TRPC7: variants seen among roughly 807,000 people sequenced by gnomAD.
TRPC7 encodes transient receptor potential cation channel subfamily C member 7.
Under a neutral mutation model 90.1 loss-of-function variants are expected in TRPC7, and 42 were observed. That is an observed-to-expected ratio of 0.47 (90% CI 0.36 to 0.60). The LOEUF is 0.60. Ranked by LOEUF, TRPC7 falls within the 20% of genes least tolerant of loss-of-function variation. The pLI, the probability that TRPC7 is intolerant of heterozygous loss-of-function variation, is 0.00. For synonymous variants in TRPC7, 451 were observed against 436.3 expected (o/e 1.03, Z -0.42); for missense variants, 955 against 1,112.3 (o/e 0.86, Z 2.01).
At position 136,234,411 on chromosome 5, in the gene TRPC7, G is replaced by GT. The variant is rs904377459; in HGVS notation, c.1845-2863dup. ...GGCAACCTCCGCGTCCTGGGTTTAA[G>GT]TGATTCTCCTGCCTCAGCCTTCAGA... On this transcript the variant is annotated intron_variant, in intron 7 of 11. Transcript: ENST00000513104. 1.2e-4 allele frequency among the ~76,000 whole-genome samples: 18 copies of GT among 152,162 alleles called. 1 individual carries two copies. The highest frequency in any genetic ancestry group is 1.0e-3 in the Admixed American group (16 of 15,286).
At chr5:136,277,050 A>G (rs1435328223) in intron 3 of TRPC7, among the ~76,000 whole-genome samples, 2 of 152,236 alleles carry the variant, frequency 1.3e-5, no homozygotes, top group Admixed American at 6.5e-5. Context: ...CTGCCTGGGA[A>G]GGATGCCTGT....
chr5:136,299,437 A>C (rs1758302905), intron 3 of TRPC7, among the ~76,000 whole-genome samples: 1 of 151,448 alleles, frequency 6.6e-6, no homozygotes, highest in African/African-American at 2.4e-5. Context: ...GTTAGATGCT[A>C]TTCTAATCAT....
chr5:136,354,155 G>A (rs989664127), intron 2 of TRPC7, among the ~76,000 whole-genome samples: 17 of 152,130 alleles, frequency 1.1e-4, no homozygotes, highest in East Asian at 1.9e-4. Flanking sequence ...CCTTTCGCAC[G>A]GCCAATGCAG....
intron 2 of TRPC7, among the ~76,000 whole-genome samples, chr5:136,316,353 GA>G (rs898455407): frequency 3.8e-4 from 58 of 150,900 alleles, no homozygotes; most frequent in East Asian, 1.4e-3. Flanking sequence ...GCTAAAATTG[GA>G]AAAAAAAATT....
intron 3 of TRPC7, among the ~76,000 whole-genome samples, chr5:136,278,271 T>A (rs986885724): frequency 6.6e-6 from 1 of 152,254 alleles, no homozygotes. Flanking sequence ...AGGGCTCCTG[T>A]GGTCTTTAGC....
chr5:136,339,789 T>C (rs1422888518), intron 2 of TRPC7, among the ~76,000 whole-genome samples: 1 of 152,106 alleles, frequency 6.6e-6, no homozygotes, highest in Non-Finnish European at 1.5e-5. Context: ...TTGAGAAATA[T>C]CTCCTGTCCT....
chr5:136,319,170 C>G (rs1759115503), intron 2 of TRPC7, among the ~76,000 whole-genome samples: 1 of 152,172 alleles, frequency 6.6e-6, no homozygotes, highest in South Asian at 2.1e-4. Flanking sequence ...TCTCCTTCTC[C>G]TCCTCTCAGA....
chr5:136,365,145 A>T, intron 1 of TRPC7, 108 bp downstream of exon 1: 1 of 1,250,236 alleles, frequency 8.0e-7, no homozygotes, highest in Non-Finnish European at 1.1e-6. Flanking sequence ...TAAGCAGTGC[A>T]CTAGAGGAAG....
At chr5:136,318,631 A>G (rs573584270) in intron 2 of TRPC7, among the ~76,000 whole-genome samples, 11 of 151,986 alleles carry the variant, frequency 7.2e-5, no homozygotes, top group Non-Finnish European at 1.3e-4. Flanking sequence ...TTGACAGCCC[A>G]TTTTCTGATG....
chr5:136,234,059 G>A (rs1010063751), intron 7 of TRPC7, among the ~76,000 whole-genome samples: 17 of 152,276 alleles, frequency 1.1e-4, no homozygotes, highest in African/African-American at 3.9e-4. Flanking sequence ...CAATTAACCT[G>A]GCCTGGAATG....
intron 2 of TRPC7, among the ~76,000 whole-genome samples, chr5:136,332,951 C>A (rs1487295602): frequency 6.6e-6 from 1 of 152,176 alleles, no homozygotes; most frequent in East Asian, 1.9e-4. Context: ...CTTTGTCCTT[C>A]GAGGAGCTGC....
At position 136,247,567 on chromosome 5, in the gene TRPC7, A is replaced by C. The variant is rs1198248875; in HGVS notation, c.1748T>G (p.Met583Arg). The change falls in exon 7 of 12, where the codon ATG becomes AGG. Residue 583 changes from methionine to arginine, a missense_variant. Met to Arg is a moderately conservative substitution (Grantham distance 91, BLOSUM62 -1). This residue lies in a region of TRPC7 where 296 missense variants were observed against 422.7 expected (regional missense o/e 0.70). Transcript: ENST00000513104. The surrounding 1 kb of genome is among the most constrained non-coding windows in gnomAD (Gnocchi z 4.2). ...GRTVKDIFKFMVIFIMVFVAF... is the reference protein window; with the variant it reads ...GRTVKDIFKFRVIFIMVFVAF... ...CACAAATACCATGATGAAAATGACC[A>C]TGAACTTGAAGATATCTTTCACAGT... 6.2e-7 allele frequency: 1 copy of C among 1,614,028 alleles called. No individual in the cohort carries two copies. Among genetic ancestry groups the C allele is most frequent in the Admixed American group, 1.7e-5 (1 of 60,030 alleles).
intron 3 of TRPC7, among the ~76,000 whole-genome samples, chr5:136,301,019 A>T (rs1580923947): frequency 6.6e-6 from 1 of 152,092 alleles, no homozygotes; most frequent in Non-Finnish European, 1.5e-5. Flanking sequence ...AATTCTGTGG[A>T]TGTGGTCCAG....
In TRPC7 at chr5:136,315,667, T is replaced by C. The variant is rs764689781; in HGVS notation, c.893A>G (p.Gln298Arg). 5.6e-6 allele frequency: 9 copies of C among 1,613,822 alleles called. No homozygotes were observed. Among genetic ancestry groups the C allele is most frequent in the Non-Finnish European group, 5.9e-6 (7 of 1,179,882 alleles). Residue 298 changes from glutamine (Q) to arginine (R), a missense_variant, in exon 3 of 12, where the codon CAA (glutamine) becomes CGA (arginine). Coordinates refer to ENST00000513104, the MANE Select transcript of TRPC7 (RefSeq NM_020389.3). ...TGGACGGTGGTGGTCGGACCAGACT[T>C]GGAAGTTCACATCACCGTTTAAAAT... is the stretch of plus-strand genomic sequence containing the variant. ...EAILNGDVNF[Q>R]VWSDHHRPSL... is the part of the protein sequence containing the mutation.
At chr5:136,234,511 T>C (rs1755926436) in intron 7 of TRPC7, among the ~76,000 whole-genome samples, 1 of 152,152 alleles carries the variant, frequency 6.6e-6, no homozygotes, top group South Asian at 2.1e-4. Context: ...GGTTTCACCA[T>C]GTTGGCCAGG....
chr5:136,270,673 G>C (rs1448803343), intron 4 of TRPC7, among the ~76,000 whole-genome samples: 5 of 152,228 alleles, frequency 3.3e-5, no homozygotes, highest in Non-Finnish European at 7.3e-5. Flanking sequence ...AGTGTGGAGA[G>C]ACACAGGCTA....
At chr5:136,344,030 A>G (rs1213085935) in intron 2 of TRPC7, among the ~76,000 whole-genome samples, 1 of 152,202 alleles carries the variant, frequency 6.6e-6, no homozygotes, top group Admixed American at 6.5e-5. Flanking sequence ...AATCAACCTC[A>G]ATGCTCATCA....
chr5:136,332,126 G>T (rs562339940), intron 2 of TRPC7, among the ~76,000 whole-genome samples: 64 of 152,198 alleles, frequency 4.2e-4, no homozygotes, highest in African/African-American at 1.5e-3. Context: ...GTTGAAGGAG[G>T]TGAAGGAGAG....
chr5:136,318,478 G>T (rs569390309), intron 2 of TRPC7, among the ~76,000 whole-genome samples: 1 of 152,120 alleles, frequency 6.6e-6, no homozygotes, highest in Non-Finnish European at 1.5e-5. Context: ...CCTTATATCT[G>T]CCACTGATCT....
Sources: allele counts gnomAD v4.1 joint callset (sites outside exome capture counted in the v4.1 genomes callset), GRCh38; gene constraint gnomAD v4.1.1; regional missense constraint gnomAD v4.1.1; non-coding constraint Gnocchi (gnomAD v3.1); transcripts MANE v1.5; gene names NCBI Gene and HGNC (gene_info 2026-07-23, HGNC 2026-07-21).